Variants in RMDN2 observed in about 807,000 individuals in gnomAD.
The protein encoded by RMDN2 is regulator of microtubule dynamics 2, also known as regulator of microtubule dynamics protein 2.
Under a neutral mutation model 52.8 loss-of-function variants are expected in RMDN2, and 61 were observed. The ratio of observed to expected loss-of-function variants is 1.16; its 90% confidence interval spans 0.94 to 1.43. The LOEUF is 1.43. Ranked by LOEUF, RMDN2 falls within the 40% of genes most tolerant of loss-of-function variation. The pLI is 0.00. For missense variants in RMDN2, 592 were observed against 475.3 expected (o/e 1.25, Z -2.28); for synonymous variants, 180 against 153.1 (o/e 1.18, Z -1.30).
intron 10 of RMDN2, among the ~76,000 whole-genome samples, chr2:38,006,293 C>T (rs1677076616): frequency 6.6e-6 from 1 of 152,062 alleles, no homozygotes; most frequent in Admixed American, 6.5e-5. Context: ...TTACCTTGGT[C>T]AGTATGGCCA....
rs977578364 is a variant in RMDN2 at position 37,942,964 on chromosome 2, A to G, written c.452+13235A>G. On this transcript the variant is annotated intron_variant, in intron 2 of 10. Coordinates refer to ENST00000354545, the MANE Select transcript of RMDN2 (RefSeq NM_001170791.3). ...GCCAAGAAAAAAGCAATAAGTGCCA[A>G]GCACCTTTCCATCCTGCAGCCAGAT... 2.1e-4 allele frequency among the ~76,000 whole-genome samples: 32 copies of G among 152,348 alleles called. No individual in the cohort carries two copies. The Middle Eastern group carries it at 0.01, about 49-fold the overall frequency.
chr2:38,026,027 T>C (rs1435780321), intron 10 of RMDN2, among the ~76,000 whole-genome samples: 17 of 152,136 alleles, frequency 1.1e-4, no homozygotes, highest in Admixed American at 1.1e-3. Flanking sequence ...TTGATATCGT[T>C]TCTCCCTTAA....
At chr2:37,948,263 A>G (rs1668389028) in intron 2 of RMDN2, among the ~76,000 whole-genome samples, 1 of 152,200 alleles carries the variant, frequency 6.6e-6, no homozygotes, top group Admixed American at 6.5e-5. Flanking sequence ...ACACCCTAAC[A>G]TTTGAGAAGC....
chr2:37,937,118 C>T lies in RMDN2; in HGVS notation c.452+7389C>T, dbSNP rs115894535. ...GGGGTCCAGTTTCAGTTTTTTTTTG[C>T]ATATGGCTAGCCAGTTTTCCCAACA... On this transcript the variant is annotated intron_variant, in intron 2 of 10. Coordinates refer to ENST00000354545, the MANE Select transcript of RMDN2 (RefSeq NM_001170791.3). Among the ~76,000 whole-genome samples the T allele has an allele frequency of 2.8e-3, 433 of 151,958 alleles. 1 individual carries two copies. Among genetic ancestry groups the T allele is most frequent in the Admixed American group, 5.4e-3 (82 of 15,276 alleles).
chr2:37,934,739 G>A (rs751980644), intron 2 of RMDN2, among the ~76,000 whole-genome samples: 5 of 151,772 alleles, frequency 3.3e-5, no homozygotes, highest in Non-Finnish European at 5.9e-5. Flanking sequence ...TACTCTTAAG[G>A]TCACTAGTTC....
intron 2 of RMDN2, chr2:37,950,664 G>C: frequency 1.4e-6 from 2 of 1,480,304 alleles, no homozygotes; most frequent in Non-Finnish European, 1.9e-6. Context: ...CGAAGCTTTA[G>C]TGCTCTCCTT....
At chr2:37,931,813 T>G (rs1666767886) in intron 2 of RMDN2, among the ~76,000 whole-genome samples, 3 of 152,300 alleles carry the variant, frequency 2.0e-5, no homozygotes, top group Middle Eastern at 3.4e-3. Flanking sequence ...ACGTCAAAAC[T>G]TCAAGACTGA....
chr2:38,055,511 C>G (rs181297982), intron 10 of RMDN2, among the ~76,000 whole-genome samples: 4 of 152,110 alleles, frequency 2.6e-5, no homozygotes, highest in Non-Finnish European at 5.9e-5. Flanking sequence ...AAATCAGAAG[C>G]GTAGGAAGCT....
At chr2:37,980,156 A>C (rs1673113763) in intron 4 of RMDN2, among the ~76,000 whole-genome samples, 1 of 152,172 alleles carries the variant, frequency 6.6e-6, no homozygotes, top group African/African-American at 2.4e-5. Context: ...TAGTCTCTTC[A>C]AGATAATAAT....
chr2:37,923,724 T>C (rs1451675017), upstream of RMDN2, among the ~76,000 whole-genome samples: 1 of 152,236 alleles, frequency 6.6e-6, no homozygotes, highest in Non-Finnish European at 1.5e-5. Context: ...TAAAGATTAA[T>C]CTGCTCTTTT....
At chr2:38,012,572 A>G (rs1272497551) in intron 10 of RMDN2, 4 of 466,830 alleles carry the variant, frequency 8.6e-6, no homozygotes, top group South Asian at 4.8e-5. Flanking sequence ...AGTATGAGCA[A>G]ATATTTCTCA....
At chr2:37,975,131 A>G in intron 3 of RMDN2, 81 bp from the exon 4 acceptor site, 1 of 807,060 alleles carries the variant, frequency 1.2e-6, no homozygotes. Context: ...CTAAGTTTTT[A>G]AAAAGTTGCA....
In RMDN2 at chr2:37,937,673, T is replaced by C. The variant is rs117348915; in HGVS notation, c.452+7944T>C. On this transcript the variant is annotated intron_variant, in intron 2 of 10. Transcript: ENST00000354545. ...TATCTGTAGCAATTATGAATGGGAGTTTGCTCATGATTTGACTCTCTATTA... is the reference window on the plus strand; with the variant it reads ...TATCTGTAGCAATTATGAATGGGAGCTTGCTCATGATTTGACTCTCTATTA... Among the ~76,000 whole-genome samples, 270 of 152,216 alleles carry C rather than the reference T, an allele frequency of 1.8e-3. 4 individuals carry two copies. The East Asian group carries it at 0.044, about 25-fold the overall frequency.
At chr2:37,994,767 C>T (rs80351314) in intron 7 of RMDN2, among the ~76,000 whole-genome samples, 23,304 of 152,154 alleles carry the variant, frequency 0.15, 1,870 homozygotes, top group Non-Finnish European at 0.16. Context: ...ATAATAAATA[C>T]ATTATCAATT....
intron 10 of RMDN2, among the ~76,000 whole-genome samples, chr2:38,024,087 G>T (rs1321545652): frequency 6.6e-6 from 1 of 151,940 alleles, no homozygotes; most frequent in African/African-American, 2.4e-5. Context: ...ATTATTTTGG[G>T]ACTCATCCAT....
chr2:38,051,891 T>C (rs1681624660), intron 10 of RMDN2, among the ~76,000 whole-genome samples: 1 of 152,218 alleles, frequency 6.6e-6, no homozygotes, highest in South Asian at 2.1e-4. Context: ...CCATTGGGTA[T>C]ATACCACACT....
At chr2:38,051,513 A>AATTGT (rs1326540153) in intron 10 of RMDN2, among the ~76,000 whole-genome samples, 1 of 152,190 alleles carries the variant, frequency 6.6e-6, no homozygotes, top group Non-Finnish European at 1.5e-5. Flanking sequence ...ATCACCTTTA[A>AATTGT]CATTTGTCAT....
downstream of RMDN2, among the ~76,000 whole-genome samples, chr2:38,019,623 C>G (rs1192355357): frequency 1.3e-5 from 2 of 152,168 alleles, no homozygotes; most frequent in Non-Finnish European, 1.5e-5. Context: ...CTGCTGTATG[C>G]CCCCTTCCAG....
intron 2 of RMDN2, chr2:37,952,147 C>A (rs773071911): frequency 1.9e-6 from 3 of 1,613,062 alleles, no homozygotes; most frequent in Non-Finnish European, 2.5e-6. Flanking sequence ...GAAGACTTTG[C>A]TGTCTTGTTT....
Sources: allele counts gnomAD v4.1 joint callset (sites outside exome capture counted in the v4.1 genomes callset), GRCh38; gene constraint gnomAD v4.1.1; transcripts MANE v1.5; gene names NCBI Gene and HGNC (gene_info 2026-07-23, HGNC 2026-07-21).